The following UBE2V1 variants were observed in gnomAD, a reference collection of about 807,000 sequenced individuals.
UBE2V1 encodes ubiquitin conjugating enzyme E2 V1, also known as ubiquitin-conjugating enzyme E2 variant 1.
A neutral mutation model predicts 19.6 loss-of-function variants in UBE2V1; 15 were observed. That is an observed-to-expected ratio of 0.77 (90% CI 0.51 to 1.18). The LOEUF is 1.18. Ranked by LOEUF, UBE2V1 falls within the 50% of genes most tolerant of loss-of-function variation. The probability of loss-of-function intolerance (pLI) is 0.00; values close to 1 mark genes in which losing one functional copy is unlikely to be tolerated. For missense variants in UBE2V1, 125 were observed against 184.8 expected (o/e 0.68, Z 1.88); for synonymous variants, 60 against 60.7 (o/e 0.99, Z 0.05).
intron 2 of UBE2V1, 86 bp from the exon 3 acceptor site, chr20:50,084,340 A>C: frequency 6.2e-7 from 1 of 1,601,708 alleles, no homozygotes; most frequent in Non-Finnish European, 8.5e-7. Flanking sequence ...TTTATCCCTG[A>C]CTGTAGAACT....
intron 2 of UBE2V1, among the ~76,000 whole-genome samples, chr20:50,085,026 G>C (rs2078835879): frequency 6.6e-6 from 1 of 151,736 alleles, no homozygotes; most frequent in Non-Finnish European, 1.5e-5. Context: ...GAGTAGCTGG[G>C]ATTACAGGCA....
upstream of UBE2V1, chr20:50,115,784 A>G (rs2080989510): frequency 1.2e-5 from 6 of 483,410 alleles, no homozygotes; most frequent in East Asian, 2.2e-4. Flanking sequence ...GAGAAAACTG[A>G]GACTCAGAGC....
intron 2 of UBE2V1, among the ~76,000 whole-genome samples, chr20:50,086,032 C>A (rs777005712): frequency 1.6e-4 from 25 of 152,178 alleles, no homozygotes; most frequent in African/African-American, 6.0e-4. Flanking sequence ...CTCTTGCTCC[C>A]GGCACAGCAG....
chr20:50,103,531 A>G (rs540255717), intron 1 of UBE2V1, among the ~76,000 whole-genome samples: 1 of 152,118 alleles, frequency 6.6e-6, no homozygotes, highest in South Asian at 2.1e-4. Flanking sequence ...TCAGCCTCCC[A>G]AGTAGCTGGG....
chr20:50,100,633 A>T (rs924248626), intron 1 of UBE2V1, among the ~76,000 whole-genome samples: 22 of 152,216 alleles, frequency 1.4e-4, no homozygotes, highest in Admixed American at 1.2e-3. Flanking sequence ...AAAGTATAAC[A>T]GCTTCTACAG....
upstream of UBE2V1, among the ~76,000 whole-genome samples, chr20:50,114,257 A>G (rs2080941483): frequency 1.3e-5 from 2 of 152,190 alleles, no homozygotes; most frequent in African/African-American, 4.8e-5. Context: ...GACTCTAAAC[A>G]TAGAGGGACA....
chr20:50,103,256 A>C (rs1323991605), intron 1 of UBE2V1, among the ~76,000 whole-genome samples: 1 of 152,214 alleles, frequency 6.6e-6, no homozygotes, highest in Non-Finnish European at 1.5e-5. Flanking sequence ...AGCTAGGAAC[A>C]GTATTTCAGA....
intron 2 of UBE2V1, among the ~76,000 whole-genome samples, chr20:50,088,948 T>C (rs2079073338): frequency 6.6e-6 from 1 of 152,178 alleles, no homozygotes; most frequent in Non-Finnish European, 1.5e-5. Context: ...ACAAATTACG[T>C]TTAATGTACA....
chr20:50,097,918 T>C (rs970998119), intron 1 of UBE2V1, among the ~76,000 whole-genome samples: 3 of 152,218 alleles, frequency 2.0e-5, no homozygotes, highest in African/African-American at 7.2e-5. Context: ...GGAATAAATA[T>C]TTGAGTACTT....
At chr20:50,109,247 C>G (rs1389704712) in intron 1 of UBE2V1, 6 of 604,184 alleles carry the variant, frequency 9.9e-6, no homozygotes, top group Non-Finnish European at 1.2e-5. Flanking sequence ...CTTCACTGTG[C>G]CCCTTCAAAA....
chr20:50,093,950 T>C (rs2079395285), intron 2 of UBE2V1, among the ~76,000 whole-genome samples: 1 of 123,974 alleles, frequency 8.1e-6, no homozygotes, highest in Non-Finnish European at 1.6e-5. Context: ...ATTGCGCCAC[T>C]GCACTCCAGC....
In UBE2V1 at chr20:50,112,231, C is replaced by T. The variant is rs1438162183; in HGVS notation, c.22+876G>A. ...TTCCACTCCCTCATTTCAGGGGCTTCCCTCAGTTGAATCCCCACTCCCAAA... is the reference window on the plus strand; with the variant it reads ...TTCCACTCCCTCATTTCAGGGGCTTTCCTCAGTTGAATCCCCACTCCCAAA... On this transcript the variant is annotated intron_variant, in intron 1 of 3. Transcript: ENST00000371674. 2.6e-5 allele frequency among the ~76,000 whole-genome samples: 4 copies of T among 152,190 alleles called. No homozygotes were observed. In the East Asian group the frequency reaches 7.7e-4, roughly 29 times the overall value.
At chr20:50,084,064 C>T (rs75967413) in intron 3 of UBE2V1, 65 bp downstream of exon 3, 27,899 of 1,521,770 alleles carry the variant, frequency 0.018, 304 homozygotes, top group Non-Finnish European at 0.021. Flanking sequence ...TCTAAAAGCT[C>T]CTGATGTTAA....
chr20:50,088,523 C>A (rs184794732), intron 2 of UBE2V1, among the ~76,000 whole-genome samples: 1 of 152,138 alleles, frequency 6.6e-6, no homozygotes, highest in African/African-American at 2.4e-5. Context: ...CGGTGGCCCA[C>A]GCCTGTAATC....
upstream of UBE2V1, among the ~76,000 whole-genome samples, chr20:50,113,631 A>G (rs974496665): frequency 2.0e-5 from 3 of 152,106 alleles, no homozygotes; most frequent in African/African-American, 7.2e-5. Flanking sequence ...AAATTTTTTG[A>G]ATCATCACCC....
At chr20:50,100,585 C>CA (rs397752567) in intron 1 of UBE2V1, among the ~76,000 whole-genome samples, 3,715 of 140,180 alleles carry the variant, frequency 0.027, 72 homozygotes, top group African/African-American at 0.059. Context: ...ACTCCATCTC[C>CA]AAAAAAAAAA....
chr20:50,113,209 G>GCGCA (rs1316532338), upstream of UBE2V1: 4 of 1,169,940 alleles, frequency 3.4e-6, no homozygotes, highest in Admixed American at 8.5e-5. Flanking sequence ...GCAGGCGCGC[G>GCGCA]CGCACGCACA....
rs560550733 is a variant in UBE2V1 at position 50,106,707 on chromosome 20, G to A, written c.22+6400C>T. On this transcript the variant is annotated intron_variant, in intron 1 of 3. Transcript: ENST00000371674. The stretch of plus-strand genomic sequence containing the variant: ...TAGCTGGGCGTGGTGGCGCATGCCT[G>A]TAATCGAGCTACTCAGGGGGCTGAG... Among the ~76,000 whole-genome samples the A allele has an allele frequency of 7.7e-3, 213 of 27,486 alleles. No individual in the cohort carries two copies. In the African/African-American group the frequency reaches 0.082, roughly 11 times the overall value. The allele number at this position is 27,486 out of a possible 152,430, so 18.0% of individuals were successfully genotyped here.
At chr20:50,087,048 G>C (rs373785954) in intron 2 of UBE2V1, among the ~76,000 whole-genome samples, 5 of 152,114 alleles carry the variant, frequency 3.3e-5, no homozygotes, top group African/African-American at 4.8e-5. Flanking sequence ...CTGCACTCCA[G>C]CCTGGGCGAC....
Sources: gnomAD v4.1 joint callset for allele counts (sites outside exome capture counted in the v4.1 genomes callset) on GRCh38, gnomAD v4.1.1 for gene constraint, MANE v1.5 for transcripts, NCBI Gene and HGNC (gene_info 2026-07-23, HGNC 2026-07-21) for gene names.